Variants in FGGY observed in about 807,000 individuals in gnomAD.
The protein encoded by FGGY is FGGY carbohydrate kinase domain-containing protein.
FGGY carries 72 observed loss-of-function variants against 71.3 expected under a neutral mutation model. The ratio of observed to expected loss-of-function variants is 1.01; its 90% CI spans 0.84 to 1.23. FGGY has a LOEUF of 1.23. FGGY is among the 50% of genes most tolerant of loss of function. The probability of loss-of-function intolerance (pLI) is 0.00; values close to 1 mark genes in which losing one functional copy is unlikely to be tolerated. For missense variants in FGGY, 668 were observed against 682.3 expected, an observed-to-expected ratio of 0.98 and a Z score of 0.23; for synonymous variants, 251 against 250.3, an observed-to-expected ratio of 1.00 and a Z score of -0.02.
At chr1:59,438,897 A>G (rs2069110898) in intron 5 of FGGY, among the ~76,000 whole-genome samples, 1 of 152,124 alleles carries the variant, frequency 6.6e-6, no homozygotes, top group Admixed American at 6.5e-5. Flanking sequence ...TTTGTTCTGG[A>G]TGAGGCCAGT....
At chr1:59,551,970 T>C (rs2095615006) in intron 7 of FGGY, among the ~76,000 whole-genome samples, 2 of 152,124 alleles carry the variant, frequency 1.3e-5, no homozygotes, top group Admixed American at 1.3e-4. Flanking sequence ...AAAAAACCAG[T>C]AACTTAATAC....
intron 5 of FGGY, among the ~76,000 whole-genome samples, chr1:59,407,114 C>T (rs985922192): frequency 2.0e-5 from 3 of 152,216 alleles, no homozygotes; most frequent in African/African-American, 7.2e-5. Flanking sequence ...CTGGCAGTGG[C>T]CCCTCTACAG....
At chr1:59,421,301 A>G (rs926940778) in intron 5 of FGGY, among the ~76,000 whole-genome samples, 1 of 152,216 alleles carries the variant, frequency 6.6e-6, no homozygotes, top group African/African-American at 2.4e-5. Flanking sequence ...CTATATGATG[A>G]TATTAAGGAA....
Position 59,450,170 on chromosome 1 carries a change from T to G in FGGY, c.555-6791T>G, listed in dbSNP as rs1158115016. Among the ~76,000 whole-genome samples, 5 of 152,224 alleles carry G rather than the reference T, an allele frequency of 3.3e-5. No individual in the cohort carries two copies. The South Asian group carries it at 8.3e-4, about 25-fold the overall frequency. ...ATTCTCCAGATTACTTAAATATTTG[T>G]TAGTATTCCATTTTATCTCTAAAAA... On this transcript the variant is annotated intron_variant, in intron 5 of 15. Transcript: ENST00000303721.
chr1:59,609,303 C>T (rs1417601230), intron 9 of FGGY, among the ~76,000 whole-genome samples: 2 of 152,170 alleles, frequency 1.3e-5, no homozygotes, highest in African/African-American at 2.4e-5. Context: ...AATTGAACTT[C>T]GTCTAGCAGA....
intron 9 of FGGY, among the ~76,000 whole-genome samples, chr1:59,620,734 G>A (rs76021880): frequency 1.3e-5 from 2 of 151,840 alleles, no homozygotes; most frequent in East Asian, 3.9e-4. Context: ...AAACTTTTCA[G>A]CCTACTTTGA....
chr1:59,665,403 C>T (rs1014772652), intron 12 of FGGY, among the ~76,000 whole-genome samples: 1 of 152,194 alleles, frequency 6.6e-6, no homozygotes, highest in African/African-American at 2.4e-5. Flanking sequence ...TCATGAATAG[C>T]TTCAACAAAC....
intron 4 of FGGY, among the ~76,000 whole-genome samples, chr1:59,358,575 T>C (rs745794901): frequency 5.9e-5 from 9 of 152,146 alleles, no homozygotes; most frequent in Non-Finnish European, 1.3e-4. Flanking sequence ...CTCAGAGCCA[T>C]CACCTAGAGC....
At chr1:59,527,519 T>G (rs1302981628) in intron 7 of FGGY, among the ~76,000 whole-genome samples, 1 of 152,196 alleles carries the variant, frequency 6.6e-6, no homozygotes, top group Non-Finnish European at 1.5e-5. Context: ...CCCCTTTCTC[T>G]TCACCCCATT....
intron 11 of FGGY, among the ~76,000 whole-genome samples, chr1:59,649,962 G>T (rs776883366): frequency 6.8e-5 from 10 of 146,918 alleles, no homozygotes; most frequent in Non-Finnish European, 1.5e-4. Context: ...TAGCATGAAG[G>T]GTTGTTGAAT....
At chr1:59,510,673 T>A in intron 6 of FGGY, among the ~76,000 whole-genome samples, 1 of 152,238 alleles carries the variant, frequency 6.6e-6, no homozygotes, top group Non-Finnish European at 1.5e-5. Flanking sequence ...ATTTTTAATG[T>A]ATCTTATTTA....
chr1:59,750,743 T>C (rs2098238264), intron 14 of FGGY, among the ~76,000 whole-genome samples: 1 of 152,230 alleles, frequency 6.6e-6, no homozygotes, highest in African/African-American at 2.4e-5. Context: ...CATTTCTTAA[T>C]GCGTGTTGAA....
At chr1:59,328,394 T>C (rs2047817973) in intron 2 of FGGY, among the ~76,000 whole-genome samples, 1 of 152,240 alleles carries the variant, frequency 6.6e-6, no homozygotes, top group South Asian at 2.1e-4. Context: ...CTTTTCATTC[T>C]GTAGCTTCCT....
chr1:59,449,195 T>C (rs575276770), intron 5 of FGGY, among the ~76,000 whole-genome samples: 89 of 152,362 alleles, frequency 5.8e-4, no homozygotes, highest in African/African-American at 2.1e-3. Flanking sequence ...GTAATGTACC[T>C]GTTTATTCCT....
Position 59,729,026 on chromosome 1 carries a change from G to A in FGGY, c.1513-28905G>A, listed in dbSNP as rs747355700. On this transcript the variant is annotated intron_variant, in intron 14 of 15. Coordinates refer to ENST00000303721, the MANE Select transcript of FGGY (RefSeq NM_018291.5). ...TATTCTAACCATGCATATGTTATAC[G>A]TTTTGAAATTTTTCTTGGGTGTCCT... is the stretch of plus-strand genomic sequence containing the variant. 4.4e-4 allele frequency among the ~76,000 whole-genome samples: 67 copies of A among 151,926 alleles called. No homozygotes were observed. In the Middle Eastern group the frequency reaches 0.01, roughly 23 times the overall value.
chr1:59,372,199 A>G lies in FGGY; in HGVS notation c.466-6550A>G, dbSNP rs1217302517. 3.9e-5 allele frequency among the ~76,000 whole-genome samples: 6 copies of G among 152,236 alleles called. No individual in the cohort carries two copies. In the East Asian group the frequency reaches 9.6e-4, roughly 24 times the overall value. ...ATAAAGAAAAAAAGAAGAATCAAAT[A>G]GACGCAATTAAAAATGATAAAGGGA... On this transcript the variant is annotated intron_variant, in intron 4 of 15. Transcript: ENST00000303721.
At chr1:59,663,227 C>G (rs1282413106) in intron 12 of FGGY, among the ~76,000 whole-genome samples, 1 of 152,156 alleles carries the variant, frequency 6.6e-6, no homozygotes, top group Non-Finnish European at 1.5e-5. Context: ...TTGCCGAGGT[C>G]AAACAGCTAG....
At chr1:59,447,540 C>G (rs1356984539) in intron 5 of FGGY, among the ~76,000 whole-genome samples, 1 of 152,164 alleles carries the variant, frequency 6.6e-6, no homozygotes, top group Non-Finnish European at 1.5e-5. Flanking sequence ...CCACCCAAGT[C>G]TCACCTTGAA....
intron 8 of FGGY, among the ~76,000 whole-genome samples, chr1:59,574,102 C>T (rs1292007460): frequency 6.6e-6 from 1 of 152,212 alleles, no homozygotes; most frequent in Non-Finnish European, 1.5e-5. Flanking sequence ...TGGCTTAAAA[C>T]AACACACATA....
Sources: allele counts gnomAD v4.1 joint callset (sites outside exome capture counted in the v4.1 genomes callset), GRCh38; gene constraint gnomAD v4.1.1; transcripts MANE v1.5; gene names NCBI Gene and HGNC (gene_info 2026-07-23, HGNC 2026-07-21).